EML6: variants seen among roughly 807,000 people sequenced by gnomAD.
The protein encoded by EML6 is EMAP like 6.
A neutral mutation model predicts 240.1 loss-of-function variants in EML6; 154 were observed. The ratio of observed to expected loss-of-function variants is 0.64; its 90% CI spans 0.56 to 0.73. The LOEUF is 0.73. EML6 is among the 30% of genes least tolerant of loss of function. EML6 has a pLI of 0.00. For synonymous variants in EML6, 1,148 were observed against 899.0 expected, an observed-to-expected ratio of 1.28 and a Z score of -4.95; for missense variants, 2,964 against 2,474.6, an observed-to-expected ratio of 1.20 and a Z score of -4.20.
At chr2:54,821,541 A>T (rs1668334641) in intron 5 of EML6, among the ~76,000 whole-genome samples, 1 of 152,160 alleles carries the variant, frequency 6.6e-6, no homozygotes, top group East Asian at 1.9e-4. Context: ...CCTTTAAATT[A>T]TCCTAAATTA....
intron 2 of EML6, among the ~76,000 whole-genome samples, chr2:54,775,985 T>C (rs1668577578): frequency 6.6e-6 from 1 of 152,218 alleles, no homozygotes; most frequent in African/African-American, 2.4e-5. Context: ...TAAGATTTGG[T>C]TTGCCATTAT....
chr2:54,892,688 C>T (rs925999276), intron 19 of EML6, 32 bp downstream of exon 19: 14 of 1,504,302 alleles, frequency 9.3e-6, no homozygotes, highest in East Asian at 2.5e-5. Context: ...TCATTTTCCT[C>T]ATCAGCCTTC....
intron 11 of EML6, among the ~76,000 whole-genome samples, chr2:54,857,776 C>T (rs936931282): frequency 2.0e-5 from 3 of 151,864 alleles, no homozygotes; most frequent in African/African-American, 7.3e-5. Context: ...ACAGCAAAGG[C>T]CTAGAAGCAG....
chr2:54,940,139 G>A (rs544401498), intron 28 of EML6, among the ~76,000 whole-genome samples: 5 of 152,256 alleles, frequency 3.3e-5, no homozygotes, highest in East Asian at 1.9e-4. Context: ...ACTGACAGGC[G>A]CTAGCACCAA....
At chr2:54,860,072 A>C (rs1670595496) in intron 12 of EML6, among the ~76,000 whole-genome samples, 1 of 152,162 alleles carries the variant, frequency 6.6e-6, no homozygotes, top group South Asian at 2.1e-4. Context: ...CAGGCAACTG[A>C]GAAAACATCC....
intron 5 of EML6, 30 bp downstream of exon 5, chr2:54,820,492 C>T (rs780099263): frequency 1.6e-6 from 2 of 1,283,612 alleles, no homozygotes; most frequent in East Asian, 5.1e-5. Flanking sequence ...AATTTTGGTA[C>T]CTTGAGTGCA....
chr2:54,917,818 T>TCG (rs1674007161), intron 26 of EML6, among the ~76,000 whole-genome samples: 1 of 152,228 alleles, frequency 6.6e-6, no homozygotes, highest in African/African-American at 2.4e-5. Flanking sequence ...TTTCCCATAT[T>TCG]CGATGGCTTA....
chr2:54,824,024 G>A (rs1668468077), intron 5 of EML6, among the ~76,000 whole-genome samples: 2 of 152,072 alleles, frequency 1.3e-5, no homozygotes, highest in East Asian at 3.9e-4. Flanking sequence ...TGGCACAGGT[G>A]AGATTTAAGC....
At position 54,829,431 on chromosome 2, in the gene EML6, A is replaced by T; in HGVS notation, c.801A>T (p.Lys267Asn). The T allele has an allele frequency of 6.4e-7, 1 of 1,552,064 alleles. No homozygotes were observed. ...TACGACTGTGGGACACTGATTTCAA[A>T]CCAATAACCAAAATTGATCTCAGGG... is the stretch of plus-strand genomic sequence containing the variant. ...GCIRLWDTDF[K>N]PITKIDLRET... The change falls in exon 7 of 42, where the codon AAA becomes AAT. Residue 267 changes from lysine to asparagine, a missense_variant. Transcript: ENST00000356458.
At chr2:54,736,555 A>C (rs747357775) in intron 2 of EML6, among the ~76,000 whole-genome samples, 12 of 152,128 alleles carry the variant, frequency 7.9e-5, no homozygotes, top group Non-Finnish European at 1.8e-4. Context: ...CGTTTTCTTT[A>C]TCTCTCATTC....
intron 2 of EML6, among the ~76,000 whole-genome samples, chr2:54,808,405 A>T (rs1325774147): frequency 6.6e-6 from 1 of 152,208 alleles, no homozygotes; most frequent in African/African-American, 2.4e-5. Context: ...TCGTCAGACA[A>T]TGCAACCTAA....
intron 3 of EML6, among the ~76,000 whole-genome samples, chr2:54,814,482 C>CG (rs1667995256): frequency 6.6e-6 from 1 of 152,188 alleles, no homozygotes; most frequent in Non-Finnish European, 1.5e-5. Context: ...CTCCCTAAGG[C>CG]GGGGCCTCTT....
intron 2 of EML6, among the ~76,000 whole-genome samples, chr2:54,786,391 T>C (rs1332500181): frequency 6.6e-6 from 1 of 152,118 alleles, no homozygotes; most frequent in Non-Finnish European, 1.5e-5. Flanking sequence ...GAAAGTCACT[T>C]ATTGAAGGGT....
chr2:54,869,388 A>C (rs1671138822), intron 15 of EML6, 21 bp downstream of exon 15: 1 of 1,498,824 alleles, frequency 6.7e-7, no homozygotes, highest in Admixed American at 2.2e-5. Context: ...CCTGTAAACT[A>C]GGGCCTAGCC....
intron 26 of EML6, among the ~76,000 whole-genome samples, chr2:54,921,872 A>G (rs998766751): frequency 6.6e-6 from 1 of 152,274 alleles, no homozygotes; most frequent in South Asian, 2.1e-4. Context: ...CTGGATATCT[A>G]CATTCAAAAG....
intron 2 of EML6, among the ~76,000 whole-genome samples, chr2:54,743,731 G>C (rs1683769990): frequency 6.6e-6 from 1 of 151,900 alleles, no homozygotes; most frequent in Non-Finnish European, 1.5e-5. Context: ...TCCCACTATA[G>C]GAATATTTGT....
rs181906910 is a variant in EML6 at position 54,830,279 on chromosome 2, C to T, written c.847+802C>T. Among the ~76,000 whole-genome samples, 12 of 152,222 alleles carry T rather than the reference C, an allele frequency of 7.9e-5. No homozygotes were observed. The East Asian group carries it at 1.5e-3, about 20-fold the overall frequency. ...AGAGGAAGTCATAGCACTGTTAATA[C>T]GCTAAGCACAGGTTGGGAGGTTCTG... On this transcript the variant is annotated intron_variant, in intron 7 of 41. Transcript: ENST00000356458.
intron 28 of EML6, among the ~76,000 whole-genome samples, chr2:54,937,051 G>A (rs1312889163): frequency 6.6e-6 from 1 of 151,484 alleles, no homozygotes; most frequent in African/African-American, 2.4e-5. Context: ...AGGCGGAGGA[G>A]GGTGGATCAC....
chr2:54,754,601 A>G (rs533945931), intron 2 of EML6, among the ~76,000 whole-genome samples: 10 of 152,262 alleles, frequency 6.6e-5, no homozygotes, highest in South Asian at 2.1e-4. Flanking sequence ...TGTCAATTCT[A>G]TATTTCAAAT....
Sources: gnomAD v4.1 joint callset for allele counts (sites outside exome capture counted in the v4.1 genomes callset) on GRCh38, gnomAD v4.1.1 for gene constraint, MANE v1.5 for transcripts, NCBI Gene and HGNC (gene_info 2026-07-23, HGNC 2026-07-21) for gene names.